The following PDHX variants were observed in gnomAD, a reference collection of about 807,000 sequenced individuals.
PDHX encodes the protein pyruvate dehydrogenase complex component X, also known as pyruvate dehydrogenase protein X component, mitochondrial.
In PDHX, 33 loss-of-function variants were observed where a neutral mutation model predicts 55.3. That is an observed-to-expected ratio of 0.60 (90% CI 0.45 to 0.80). The LOEUF (loss-of-function observed/expected upper bound fraction) is 0.80. Among genes scored for constraint, PDHX ranks in the 30% least tolerant of loss-of-function variants. PDHX has a pLI of 0.00. For synonymous variants in PDHX, 226 were observed against 219.4 expected (o/e 1.03, Z -0.27); for missense variants, 622 against 619.9 (o/e 1.00, Z -0.04).
At chr11:34,993,881 AACC>A (rs1564936390) in intron 10 of PDHX, among the ~76,000 whole-genome samples, 1 of 152,224 alleles carries the variant, frequency 6.6e-6, no homozygotes, top group East Asian at 1.9e-4. Context: ...ATATGGTAGA[AACC>A]ATTGTGTATT....
intron 3 of PDHX, among the ~76,000 whole-genome samples, chr11:34,952,013 T>A (rs549713524): frequency 1.3e-5 from 2 of 152,086 alleles, no homozygotes; most frequent in Non-Finnish European, 2.9e-5. Context: ...GTTGTAGATA[T>A]GCGGCGTTAT....
chr11:34,920,677 C>T (rs922123010), intron 1 of PDHX, among the ~76,000 whole-genome samples: 2 of 151,932 alleles, frequency 1.3e-5, no homozygotes, highest in African/African-American at 2.4e-5. Flanking sequence ...GTCACTATGC[C>T]GCCTACTCTG....
intron 9 of PDHX, 98 bp from the exon 10 acceptor site, chr11:34,992,217 A>G: frequency 2.8e-6 from 2 of 714,140 alleles, no homozygotes; most frequent in Non-Finnish European, 5.1e-6. Flanking sequence ...ATCAAGGCAT[A>G]TCAGAGATGA....
In PDHX at chr11:34,960,519, G is replaced by A. The variant is rs724159829; in HGVS notation, c.641+1G>A. The A allele has an allele frequency of 6.4e-7, 1 of 1,555,272 alleles. No homozygotes were observed. Among genetic ancestry groups the A allele is most frequent in the Non-Finnish European group, 8.9e-7 (1 of 1,126,906 alleles). ...GCCCTCGGGGGATATTCACTAAAGAGTATGTGTTTGCTTTTTGTAATAACC... is the reference window on the plus strand; with the variant it reads ...GCCCTCGGGGGATATTCACTAAAGAATATGTGTTTGCTTTTTGTAATAACC... On this transcript the variant is annotated splice_donor_variant, in intron 5 of 10. Coordinates refer to ENST00000227868, the MANE Select transcript of PDHX (RefSeq NM_003477.3). LOFTEE classifies it high-confidence loss of function.
intron 2 of PDHX, among the ~76,000 whole-genome samples, chr11:34,944,076 AAT>A (rs1268424456): frequency 2.1e-5 from 2 of 93,326 alleles, no homozygotes; most frequent in African/African-American, 6.3e-5. Flanking sequence ...ATATAATACA[AAT>A]ATGTGTGTGT....
At chr11:34,983,597 T>G (rs568387806) in intron 8 of PDHX, among the ~76,000 whole-genome samples, 2,670 of 145,094 alleles carry the variant, frequency 0.018, 111 homozygotes, top group African/African-American at 0.071. Flanking sequence ...ACAATCAATG[T>G]GCAAAAATCA....
chr11:34,990,448 A>G (rs1590774116), intron 9 of PDHX, among the ~76,000 whole-genome samples: 1 of 152,182 alleles, frequency 6.6e-6, no homozygotes, highest in East Asian at 1.9e-4. Context: ...CTGTTGATGT[A>G]TTTAGGATCT....
At chr11:34,952,775 G>T (rs12283866) in intron 3 of PDHX, among the ~76,000 whole-genome samples, 9,876 of 140,626 alleles carry the variant, frequency 0.07, 693 homozygotes, top group African/African-American at 0.2. Flanking sequence ...CTTTGAAAAC[G>T]GGCACAAGAC....
chr11:34,955,906 T>C (rs1854896450), intron 3 of PDHX, among the ~76,000 whole-genome samples: 1 of 152,148 alleles, frequency 6.6e-6, no homozygotes, highest in Non-Finnish European at 1.5e-5. Context: ...TCAAGTGGAC[T>C]TCATGTCACT....
chr11:34,916,694 G>C lies in PDHX; in HGVS notation c.39G>C (p.Leu13=). The C allele has an allele frequency of 6.2e-7, 1 of 1,612,436 alleles. No individual in the cohort carries two copies. Among genetic ancestry groups the C allele is most frequent in the South Asian group, 1.1e-5 (1 of 91,024 alleles). ...ASWRLGCDPR[L]LRYLVGFPGR... The stretch of plus-strand genomic sequence containing the variant: ...GGAGGCTGGGCTGTGATCCGCGGCT[G>C]CTGCGTTATCTTGTGGGCTTCCCCG... The change falls in exon 1 of 11, where the codon CTG becomes CTC. Residue 13 remains leucine (L), a synonymous_variant. Coordinates refer to ENST00000227868, the MANE Select transcript of PDHX (RefSeq NM_003477.3).
At chr11:34,916,158 G>T (rs1008256125), upstream of PDHX, 18 of 1,557,740 alleles carry the variant, frequency 1.2e-5, no homozygotes, top group Admixed American at 3.3e-4. Flanking sequence ...CCTGCGCCCA[G>T]CTCCAGCCGC....
intron 2 of PDHX, among the ~76,000 whole-genome samples, chr11:34,931,812 TTGTGTGTGTG>T (rs35425265): frequency 0.024 from 3,572 of 146,156 alleles, 141 homozygotes; most frequent in African/African-American, 0.083. Flanking sequence ...TTTATCATGA[TTGTGTGTGTG>T]TGTGTGTGTG....
chr11:34,982,873 A>G (rs1025420951), intron 8 of PDHX, among the ~76,000 whole-genome samples: 2 of 152,350 alleles, frequency 1.3e-5, no homozygotes, highest in African/African-American at 4.8e-5. Context: ...ATTCCTTCTG[A>G]AACTATTCCA....
At chr11:34,916,461 C>T (rs1339062670), upstream of PDHX, 1 of 1,462,386 alleles carries the variant, frequency 6.8e-7, no homozygotes, top group Non-Finnish European at 9.0e-7. Context: ...CTGAGATATC[C>T]AGCGGCGCAC....
At chr11:34,981,116 A>G (rs1485674876) in intron 8 of PDHX, among the ~76,000 whole-genome samples, 3 of 152,080 alleles carry the variant, frequency 2.0e-5, no homozygotes, top group Non-Finnish European at 4.4e-5. Context: ...GTCATTTAAC[A>G]TTAGGTATAT....
chr11:34,917,601 CA>C (rs1162068121), intron 1 of PDHX, among the ~76,000 whole-genome samples: 1 of 152,022 alleles, frequency 6.6e-6, no homozygotes, highest in Non-Finnish European at 1.5e-5. Flanking sequence ...ACCTGCCAAT[CA>C]TCGTTCCTGG....
At chr11:34,916,527 C>CG (rs1213280770), upstream of PDHX, 1 of 1,231,734 alleles carries the variant, frequency 8.1e-7, no homozygotes, top group Non-Finnish European at 1.0e-6. Context: ...GGTTGGGGGG[C>CG]GGGGGTTCAA....
At chr11:34,916,346 C>T (rs897512132), upstream of PDHX, 1 of 1,594,426 alleles carries the variant, frequency 6.3e-7, no homozygotes, top group African/African-American at 1.3e-5. Context: ...CGGCGCTTAG[C>T]CTGGGATACG....
intron 2 of PDHX, among the ~76,000 whole-genome samples, chr11:34,947,034 T>C (rs889396773): frequency 3.9e-5 from 6 of 152,250 alleles, no homozygotes; most frequent in African/African-American, 1.4e-4. Context: ...CTTTATATGC[T>C]TTATTCATTT....
Sources: allele counts gnomAD v4.1 joint callset (sites outside exome capture counted in the v4.1 genomes callset), GRCh38; gene constraint gnomAD v4.1.1; transcripts MANE v1.5; gene names NCBI Gene and HGNC (gene_info 2026-07-23, HGNC 2026-07-21).